PIGF: variants seen among roughly 807,000 people sequenced by gnomAD.
PIGF encodes phosphatidylinositol glycan anchor biosynthesis class F, also known as GPI ethanolamine phosphate transferase, stabilizing subunit.
In PIGF, 23 loss-of-function variants were observed where a neutral mutation model predicts 26.0. The ratio of observed to expected loss-of-function variants is 0.88; its 90% confidence interval spans 0.64 to 1.25. PIGF has a LOEUF of 1.25. Ranked by LOEUF, PIGF falls within the 50% of genes most tolerant of loss-of-function variation. PIGF has a pLI of 0.00. For synonymous variants in PIGF, 93 were observed against 92.6 expected, an observed-to-expected ratio of 1.00 and a Z score of -0.03; for missense variants, 278 against 249.9, an observed-to-expected ratio of 1.11 and a Z score of -0.76.
rs182222238 is a variant in PIGF, at chr2:46,581,540, G to C, written c.598C>G (p.Leu200Val). 16 of 1,611,630 alleles carry C rather than the reference G, an allele frequency of 9.9e-6. No homozygotes were observed. In the Admixed American group the frequency reaches 2.2e-4, roughly 22 times the overall value. ...LGATFGYVAG[L>V]VISPLWIYWN... ...TATATCCAGAGTGGTGAAATAACAA[G>C]GCCAGCCACGTAGCCAAAGGTCGCT... The change falls in exon 6 of 6, where the codon CTT (leucine) becomes GTT (valine). Residue 200 changes from leucine to valine, a missense_variant. By Grantham distance (32) the Leu-to-Val change is conservative. Coordinates refer to ENST00000281382, the MANE Select transcript of PIGF (RefSeq NM_002643.4).
chr2:46,612,212 T>G lies in PIGF; in HGVS notation c.437+16A>C. 1 of 758,320 alleles carries G rather than the reference T, an allele frequency of 1.3e-6. No homozygotes were observed. The highest frequency in any genetic ancestry group is 2.0e-6 in the Non-Finnish European group (1 of 509,540). The allele number at this position is 758,320 out of a possible 1,614,324, so 47.0% of individuals were successfully genotyped here. A position where few individuals can be genotyped will look rare whatever the true frequency, so the allele number is the denominator to read the frequency against. On this transcript the variant is annotated intron_variant, in intron 4 of 5. Transcript: ENST00000281382. The stretch of plus-strand genomic sequence containing the variant: ...TTTTAATTTCAATATCATTATAATA[T>G]AAAATTAAAACTTACCCATTTCTAC...
At chr2:46,600,886 C>T (rs1670035312) in intron 4 of PIGF, among the ~76,000 whole-genome samples, 1 of 151,830 alleles carries the variant, frequency 6.6e-6, no homozygotes, top group African/African-American at 2.4e-5. Flanking sequence ...AAAGCCATGA[C>T]TAGTTTAACT....
chr2:46,607,044 A>T (rs1670245184), intron 4 of PIGF, among the ~76,000 whole-genome samples: 1 of 152,264 alleles, frequency 6.6e-6, no homozygotes, highest in African/African-American at 2.4e-5. Flanking sequence ...AATTTCCAGG[A>T]TAGGCAAATC....
intron 3 of PIGF, among the ~76,000 whole-genome samples, chr2:46,613,402 T>C (rs1320813256): frequency 1.3e-5 from 2 of 152,176 alleles, no homozygotes; most frequent in African/African-American, 4.8e-5. Flanking sequence ...CATAGTAAGT[T>C]CTTTCAGAGG....
At chr2:46,612,706 A>T (rs1670463796) in intron 3 of PIGF, among the ~76,000 whole-genome samples, 1 of 152,104 alleles carries the variant, frequency 6.6e-6, no homozygotes, top group African/African-American at 2.4e-5. Flanking sequence ...TACACTATTG[A>T]ACCACTATTG....
At chr2:46,607,739 G>A (rs968917890) in intron 4 of PIGF, among the ~76,000 whole-genome samples, 12 of 151,912 alleles carry the variant, frequency 7.9e-5, no homozygotes, top group African/African-American at 2.9e-4. Context: ...CTATCGCCCA[G>A]GCTGGAGTGC....
At chr2:46,600,587 T>C (rs1293250308) in intron 4 of PIGF, among the ~76,000 whole-genome samples, 1 of 152,130 alleles carries the variant, frequency 6.6e-6, no homozygotes, top group Non-Finnish European at 1.5e-5. Context: ...TGTTTCTCAA[T>C]GATTAGGAAA....
chr2:46,589,399 T>C lies in PIGF; in HGVS notation c.546+3076A>G, dbSNP rs1006812714. Among the ~76,000 whole-genome samples the C allele has an allele frequency of 2.0e-5, 3 of 152,024 alleles. No individual in the cohort carries two copies. Among genetic ancestry groups the C allele is most frequent in the Non-Finnish European group, 2.9e-5 (2 of 67,942 alleles). On this transcript the variant is annotated intron_variant, in intron 5 of 5. Transcript: ENST00000281382. This position sits in a 1 kb window ranked among gnomAD's most constrained non-coding sequence, Gnocchi z 4.7. The stretch of plus-strand genomic sequence containing the variant: ...CAGCTCATTACAGAATCCACATCAC[T>C]ATAATCTTATGCTTGGCCTCAGGAA...
chr2:46,609,903 T>G (rs1469308000), intron 4 of PIGF, among the ~76,000 whole-genome samples: 2 of 152,162 alleles, frequency 1.3e-5, no homozygotes, highest in African/African-American at 4.8e-5. Flanking sequence ...TTGTGAGAGT[T>G]TCCAATGAAG....
intron 4 of PIGF, among the ~76,000 whole-genome samples, chr2:46,596,128 C>T (rs550542251): frequency 1.3e-5 from 2 of 151,262 alleles, no homozygotes; most frequent in Non-Finnish European, 2.9e-5. Flanking sequence ...AACGGAGAAT[C>T]GCTTGAACCC....
chr2:46,613,295 AGGAATCTAT>A (rs1488553547), intron 3 of PIGF, among the ~76,000 whole-genome samples: 1 of 152,202 alleles, frequency 6.6e-6, no homozygotes, highest in Non-Finnish European at 1.5e-5. Context: ...ATTTGAATAC[AGGAATCTAT>A]TGACTTTTGT....
rs767616211 is a variant in PIGF at position 46,615,178 on chromosome 2, A to ATGGC, written c.-18_-15dup. The ATGGC allele has an allele frequency of 8.1e-7, 1 of 1,240,104 alleles. No homozygotes were observed. Among genetic ancestry groups the ATGGC allele is most frequent in the South Asian group, 1.3e-5 (1 of 79,960 alleles). 76.8% of individuals were successfully genotyped at this position (1,240,104 alleles called of 1,614,324 possible). A position where few individuals can be genotyped will look rare whatever the true frequency, so the allele number is the denominator to read the frequency against. ...GTTATCTTTCATGGTGTTTTCTTGGATGGCTAGCTAACAAAAAACAAGAAA... is the reference window on the plus strand; with the variant it reads ...GTTATCTTTCATGGTGTTTTCTTGGATGGCTGGCTAGCTAACAAAAAACAAGAAA... On this transcript the variant is annotated 5_prime_UTR_variant, in exon 2 of 6. Coordinates refer to ENST00000281382, the MANE Select transcript of PIGF (RefSeq NM_002643.4).
chr2:46,614,645 C>T (rs1670549397), intron 2 of PIGF: 1 of 225,506 alleles, frequency 4.4e-6, no homozygotes, highest in Non-Finnish European at 8.9e-6. Flanking sequence ...TAAAGATAGA[C>T]TGTCACACGT....
At chr2:46,604,770 G>C (rs1295835650) in intron 4 of PIGF, among the ~76,000 whole-genome samples, 1 of 151,948 alleles carries the variant, frequency 6.6e-6, no homozygotes, top group Non-Finnish European at 1.5e-5. Context: ...GAAAAAGATA[G>C]AATGAGTAAG....
At chr2:46,603,861 T>C (rs1254418121) in intron 4 of PIGF, among the ~76,000 whole-genome samples, 1 of 151,910 alleles carries the variant, frequency 6.6e-6, no homozygotes, top group Non-Finnish European at 1.5e-5. Flanking sequence ...ACAAATGGAA[T>C]CACATCAAGT....
chr2:46,606,316 A>T (rs1031319872), intron 4 of PIGF, among the ~76,000 whole-genome samples: 2 of 152,190 alleles, frequency 1.3e-5, no homozygotes, highest in Non-Finnish European at 2.9e-5. Context: ...ATATACGTGT[A>T]TCTGTGCCCT....
At chr2:46,614,875 T>A (rs1222965603) in intron 2 of PIGF, 62 bp downstream of exon 2, 2 of 748,816 alleles carry the variant, frequency 2.7e-6, no homozygotes, top group East Asian at 5.1e-5. Flanking sequence ...GAATACTTTA[T>A]TCTTCCATTA....
chr2:46,616,304 A>G (rs1670625279), intron 1 of PIGF: 1 of 152,380 alleles, frequency 6.6e-6, no homozygotes, highest in Non-Finnish European at 1.5e-5. Flanking sequence ...AAAGTTTCCC[A>G]TAGATTCTAT....
At chr2:46,609,723 G>C (rs1670345674) in intron 4 of PIGF, among the ~76,000 whole-genome samples, 1 of 152,128 alleles carries the variant, frequency 6.6e-6, no homozygotes, top group African/African-American at 2.4e-5. Flanking sequence ...AAGGGAGAGA[G>C]ACAGAGAGAA....
Sources: allele counts gnomAD v4.1 joint callset (sites outside exome capture counted in the v4.1 genomes callset), GRCh38; gene constraint gnomAD v4.1.1; non-coding constraint Gnocchi (gnomAD v3.1); transcripts MANE v1.5; gene names NCBI Gene and HGNC (gene_info 2026-07-23, HGNC 2026-07-21).